SYNE2: variants seen among roughly 807,000 people sequenced by gnomAD.
SYNE2 encodes nesprin-2.
In SYNE2, 431 loss-of-function variants were observed where a neutral mutation model predicts 856.3. The observed-to-expected ratio is 0.50, with a 90% confidence interval of 0.47 to 0.55. The LOEUF (loss-of-function observed/expected upper bound fraction) is 0.55. Among genes scored for constraint, SYNE2 ranks in the 20% least tolerant of loss-of-function variants. The probability of loss-of-function intolerance (pLI) is 0.00; values close to 1 mark genes in which losing one functional copy is unlikely to be tolerated. For missense variants in SYNE2, 8,129 were observed against 8,023.2 expected (o/e 1.01, Z -0.50); for synonymous variants, 2,923 against 2,872.3 (o/e 1.02, Z -0.56).
chr14:63,936,059 G>T (rs1239214986), intron 2 of SYNE2, among the ~76,000 whole-genome samples: 1 of 152,130 alleles, frequency 6.6e-6, no homozygotes, highest in Non-Finnish European at 1.5e-5. Context: ...ATTTTTAATA[G>T]AGATGGGGTT....
intron 2 of SYNE2, among the ~76,000 whole-genome samples, chr14:63,923,968 TTTTG>T (rs1280693903): frequency 7.0e-6 from 1 of 143,488 alleles, no homozygotes; most frequent in Non-Finnish European, 1.5e-5. Flanking sequence ...CTGGTTAATT[TTTTG>T]TTTTTTTTTA....
At position 64,214,367 on chromosome 14, in the gene SYNE2, C is replaced by T. The variant is rs2098656066; in HGVS notation, c.19230C>T (p.Val6410=). ...AGCGGTCTGGCTGCGAGACCCCTGT[C>T]AGCGTGGACTCCATCCCCCTGGAGT... ...GHERSGCETP[V]SVDSIPLEWD... The change falls in exon 106 of 116, where the codon GTC becomes GTT. Residue 6410 remains valine (V), a synonymous_variant. Transcript: ENST00000555002. 3 of 1,614,042 alleles carry T rather than the reference C, an allele frequency of 1.9e-6. No homozygotes were observed. The highest frequency in any genetic ancestry group is 1.7e-5 in the Admixed American group (1 of 60,002).
Position 64,224,439 on chromosome 14 carries a change from A to G in SYNE2, c.20383-22A>G, listed in dbSNP as rs183053185. On this transcript the variant is annotated intron_variant, in intron 113 of 115. Coordinates refer to ENST00000555002, the MANE Select transcript of SYNE2 (RefSeq NM_182914.3). ...TGCATGAAACACATTTCTGTGCTCA[A>G]CCTTTGGGGTCTGAATTTCAGAACC... is the stretch of plus-strand genomic sequence containing the variant. The G allele has an allele frequency of 3.1e-5, 50 of 1,595,548 alleles. No individual in the cohort carries two copies. The African/African-American group carries it at 5.9e-4, about 19-fold the overall frequency.
Position 64,070,630 on chromosome 14 carries a change from T to G in SYNE2, c.10432-15T>G, listed in dbSNP as rs777838006. The G allele has an allele frequency of 2.4e-5, 39 of 1,606,950 alleles. 1 individual carries two copies. The highest frequency in any genetic ancestry group is 3.3e-4 in the Middle Eastern group (2 of 6,052). On this transcript the variant is annotated splice_polypyrimidine_tract_variant and intron_variant, in intron 51 of 115. Transcript: ENST00000555002. ...ATATTTTACTTATTTTAGTTCTTTT[T>G]GTTTTTTGAATTAGATTGAACGAGA...
rs2098648703 is a variant in SYNE2, at chr14:64,212,927, G to A, written c.18978G>A (p.Leu6326=). 2 of 1,614,066 alleles carry A rather than the reference G, an allele frequency of 1.2e-6. No homozygotes were observed. Among genetic ancestry groups the A allele is most frequent in the Admixed American group, 1.7e-5 (1 of 60,004 alleles). The change falls in exon 105 of 116, where the codon CTG becomes CTA. Residue 6326 remains leucine (L), a synonymous_variant. Transcript: ENST00000555002. ...PLDAVLIEDE[L]EELHRYCQEV... ...ATGCTGTGCTGATTGAGGATGAGCTGGAGGAACTCCACCGCTACTGCCAGG... is the reference window on the plus strand; with the variant it reads ...ATGCTGTGCTGATTGAGGATGAGCTAGAGGAACTCCACCGCTACTGCCAGG...
chr14:64,168,971 G>C lies in SYNE2; in HGVS notation c.17000G>C (p.Arg5667Thr). The C allele has an allele frequency of 6.2e-7, 1 of 1,612,618 alleles. No homozygotes were observed. Among genetic ancestry groups the C allele is most frequent in the Non-Finnish European group, 8.5e-7 (1 of 1,178,614 alleles). The part of the protein sequence containing the change: ...QLLDTTEIEN[R>T]PEFITEFSKL... ...CTGGACACAACAGAAATAGAGAACA[G>C]GTGAGCTGTCTGGGCCTCATGAAGG... Residue 5667 changes from arginine to threonine, a missense_variant and splice_region_variant, in exon 93 of 116, where the codon AGA (arginine) becomes ACA (threonine). Arg to Thr is a moderately conservative substitution (Grantham distance 71). Coordinates refer to ENST00000555002, the MANE Select transcript of SYNE2 (RefSeq NM_182914.3).
chr14:64,012,359 G>T (rs2096853297), intron 32 of SYNE2, among the ~76,000 whole-genome samples: 2 of 152,070 alleles, frequency 1.3e-5, no homozygotes, highest in Admixed American at 1.3e-4. Flanking sequence ...TTGTTGGTTT[G>T]TACCATTTTA....
intron 96 of SYNE2, among the ~76,000 whole-genome samples, chr14:64,178,831 G>A (rs978094882): frequency 2.6e-5 from 4 of 152,180 alleles, no homozygotes; most frequent in Non-Finnish European, 2.9e-5. Flanking sequence ...AGCACTTTGG[G>A]AGGCTGCAGC....
intron 45 of SYNE2, among the ~76,000 whole-genome samples, chr14:64,040,607 T>TAC (rs1363125795): frequency 6.8e-6 from 1 of 146,658 alleles, no homozygotes; most frequent in African/African-American, 2.5e-5. Flanking sequence ...AATATATATA[T>TAC]ATATATATGT....
Position 64,225,724 on chromosome 14 carries a change from C to G in SYNE2, c.*198C>G, listed in dbSNP as rs1318578601. ...GTGTTCCTCCCCAGGAGCAGGGAAC[C>G]TGTGTGGCAGGTGCCCCGGGTATTT... On this transcript the variant is annotated 3_prime_UTR_variant, in exon 116 of 116. Transcript: ENST00000555002. The G allele has an allele frequency of 1.2e-5, 8 of 647,504 alleles. No homozygotes were observed. The highest frequency in any genetic ancestry group is 2.2e-5 in the Non-Finnish European group (8 of 364,582). 40.1% of individuals were successfully genotyped at this position (647,504 alleles called of 1,614,324 possible).
At chr14:64,129,201 G>A (rs765760027) in intron 74 of SYNE2, among the ~76,000 whole-genome samples, 8 of 152,168 alleles carry the variant, frequency 5.3e-5, no homozygotes, top group Non-Finnish European at 8.8e-5. Context: ...CACCTACTCC[G>A]GAGGCTGAGG....
chr14:64,199,595 G>A (rs1020900800), intron 99 of SYNE2, among the ~76,000 whole-genome samples: 7 of 151,702 alleles, frequency 4.6e-5, no homozygotes, highest in African/African-American at 7.3e-5. Context: ...GCAGGTGCCT[G>A]TAATCCCAGC....
At chr14:64,006,474 CAT>C (rs1389486712) in intron 30 of SYNE2, among the ~76,000 whole-genome samples, 1 of 152,070 alleles carries the variant, frequency 6.6e-6, no homozygotes, top group African/African-American at 2.4e-5. Flanking sequence ...TCATCATAGA[CAT>C]ATGTTAATGC....
Position 63,981,071 on chromosome 14 carries a change from G to T in SYNE2, c.1734G>T (p.Lys578Asn). Residue 578 changes from lysine (K) to asparagine (N), a missense_variant, in exon 16 of 116, where the codon AAG becomes AAT. By Grantham distance (94) the Lys-to-Asn change is moderately conservative. Coordinates refer to ENST00000555002, the MANE Select transcript of SYNE2 (RefSeq NM_182914.3). ...ATAGAAAAAATATATATAATGTGAA[G>T]TCCACTCTACAAAAAGTGCTGGCAT... is the stretch of plus-strand genomic sequence containing the variant. ...CMYRKNIYNVKSTLQKVLACW... is the reference protein window; with the variant it reads ...CMYRKNIYNVNSTLQKVLACW... 2 of 1,606,260 alleles carry T rather than the reference G, an allele frequency of 1.2e-6. No homozygotes were observed. Among genetic ancestry groups the T allele is most frequent in the South Asian group, 2.2e-5 (2 of 90,844 alleles).
In SYNE2 at chr14:64,122,374, C is replaced by T; in HGVS notation, c.13369C>T (p.His4457Tyr). ...TGGAGATAAGTGGCAATATCTGCAT[C>T]ATGAACTCTCATCAAAAATAAAGCT... is the stretch of plus-strand genomic sequence containing the variant. ...QNGDKWQYLHHELSSKIKLPL... is the reference protein window; with the variant it reads ...QNGDKWQYLHYELSSKIKLPL... Residue 4457 changes from histidine (H) to tyrosine (Y), a missense_variant, in exon 70 of 116, where the codon CAT (histidine) becomes TAT (tyrosine). Around this residue, in one of 3 missense-constraint regions of SYNE2, gnomAD observed 5,410 missense variants for 5,284.8 expected, o/e 1.02. Coordinates refer to ENST00000555002, the MANE Select transcript of SYNE2 (RefSeq NM_182914.3). 1 of 1,614,208 alleles carries T rather than the reference C, an allele frequency of 6.2e-7. No homozygotes were observed. The highest frequency in any genetic ancestry group is 2.2e-5 in the East Asian group (1 of 44,880).
chr14:64,057,023 ATATT>A (rs1309300179), intron 49 of SYNE2, among the ~76,000 whole-genome samples: 2 of 151,998 alleles, frequency 1.3e-5, no homozygotes, highest in African/African-American at 4.8e-5. Context: ...ATAGGTATAT[ATATT>A]TATGACATAT....
intron 96 of SYNE2, among the ~76,000 whole-genome samples, chr14:64,186,119 A>T (rs1294805828): frequency 6.6e-6 from 1 of 152,200 alleles, no homozygotes. Flanking sequence ...TTAGACTCCA[A>T]ATACACTTTC....
chr14:64,034,850 T>C (rs913779707), intron 45 of SYNE2, among the ~76,000 whole-genome samples: 2 of 151,906 alleles, frequency 1.3e-5, no homozygotes, highest in Non-Finnish European at 2.9e-5. Context: ...GTGAAGACTG[T>C]CTAATCTCTT....
At chr14:63,816,232 C>T (rs1254090279) in intron 1 of SYNE2, among the ~76,000 whole-genome samples, 1 of 152,090 alleles carries the variant, frequency 6.6e-6, no homozygotes, top group African/African-American at 2.4e-5. Flanking sequence ...CAGGCGTGAG[C>T]CACCATGCCT....
Sources: gnomAD v4.1 joint callset for allele counts (sites outside exome capture counted in the v4.1 genomes callset) on GRCh38, gnomAD v4.1.1 for gene constraint, gnomAD v4.1.1 regional missense constraint, MANE v1.5 for transcripts, NCBI Gene and HGNC (gene_info 2026-07-23, HGNC 2026-07-21) for gene names.